Variants in NAALADL2 observed in about 807,000 individuals in gnomAD.
NAALADL2 encodes the protein inactive N-acetylated-alpha-linked acidic dipeptidase-like protein 2.
NAALADL2 carries 76 observed loss-of-function variants against 87.2 expected under a neutral mutation model. The observed-to-expected ratio is 0.87, with a 90% CI of 0.72 to 1.05. The LOEUF (loss-of-function observed/expected upper bound fraction) is 1.05, where lower values mean the gene tolerates loss of function less well. Among genes scored for constraint, NAALADL2 ranks in the 50% least tolerant of loss-of-function variants. The pLI is 0.00. For missense variants in NAALADL2, 1,089 were observed against 945.8 expected (o/e 1.15, Z -1.99); for synonymous variants, 354 against 331.0 (o/e 1.07, Z -0.75).
intron 13 of NAALADL2, among the ~76,000 whole-genome samples, chr3:175,795,689 T>TA (rs551987602): frequency 9.3e-4 from 138 of 148,918 alleles, no homozygotes; most frequent in African/African-American, 3.3e-3. Context: ...TCTCAAAAAA[T>TA]AAAAAAATAA....
At chr3:175,125,998 A>C (rs924517902) in intron 2 of NAALADL2, among the ~76,000 whole-genome samples, 1 of 152,132 alleles carries the variant, frequency 6.6e-6, no homozygotes, top group Non-Finnish European at 1.5e-5. Context: ...CAAAACAGCC[A>C]AAATTTGGAA....
At chr3:175,234,996 C>T (rs905140978) in intron 3 of NAALADL2, 4 of 151,844 alleles carry the variant, frequency 2.6e-5, no homozygotes, top group African/African-American at 9.7e-5. Flanking sequence ...AATTGGTCAA[C>T]AGTTTCCTTT....
At position 175,661,599 on chromosome 3, in the gene NAALADL2, T is replaced by C. The variant is rs559315329; in HGVS notation, c.1896+34213T>C. 3.3e-5 allele frequency among the ~76,000 whole-genome samples: 5 copies of C among 152,076 alleles called. No individual in the cohort carries two copies. In the East Asian group the frequency reaches 9.7e-4, roughly 29 times the overall value. ...TTTCCAGACCAAGTTCCTGTAGCATTTTCTCATTTTCTTTTAATAGTTTCA... is the reference window on the plus strand; with the variant it reads ...TTTCCAGACCAAGTTCCTGTAGCATCTTCTCATTTTCTTTTAATAGTTTCA... On this transcript the variant is annotated intron_variant, in intron 11 of 13. Transcript: ENST00000454872.
At position 175,323,662 on chromosome 3, in the gene NAALADL2, A is replaced by G. The variant is rs551971512; in HGVS notation, c.940-513A>G. Among the ~76,000 whole-genome samples the G allele has an allele frequency of 2.3e-4, 34 of 145,768 alleles. No homozygotes were observed. The South Asian group carries it at 4.4e-3, about 19-fold the overall frequency. On this transcript the variant is annotated intron_variant, in intron 4 of 13. Coordinates refer to ENST00000454872, the MANE Select transcript of NAALADL2 (RefSeq NM_207015.3). The stretch of plus-strand genomic sequence containing the variant: ...GTAGAGATAGAGAAAAACCGGAGGA[A>G]AAAAAAAAAGGCCAGTAGAAAAAGC...
At chr3:174,590,962 T>C (rs937015944) in intron 2 of NAALADL2, among the ~76,000 whole-genome samples, 1 of 151,898 alleles carries the variant, frequency 6.6e-6, no homozygotes, top group Admixed American at 6.6e-5. Context: ...TGATACTGAA[T>C]CCAGAGAGGT....
intron 2 of NAALADL2, among the ~76,000 whole-genome samples, chr3:175,110,852 A>T (rs1361790620): frequency 1.3e-5 from 2 of 151,758 alleles, no homozygotes; most frequent in Non-Finnish European, 2.9e-5. Context: ...AATCTGGGTA[A>T]CAATTTGGGG....
At chr3:175,003,380 T>G (rs1748506488) in intron 1 of NAALADL2, among the ~76,000 whole-genome samples, 1 of 152,098 alleles carries the variant, frequency 6.6e-6, no homozygotes, top group Admixed American at 6.6e-5. Context: ...AGTAAATACT[T>G]AATATAAAAG....
intron 5 of NAALADL2, among the ~76,000 whole-genome samples, chr3:175,425,977 T>C (rs926076873): frequency 2.6e-5 from 4 of 152,210 alleles, no homozygotes; most frequent in Admixed American, 6.5e-5. Flanking sequence ...CAGATTTTTA[T>C]TTTGTAGAGT....
At chr3:174,690,587 C>T (rs1728486224) in intron 2 of NAALADL2, among the ~76,000 whole-genome samples, 1 of 152,062 alleles carries the variant, frequency 6.6e-6, no homozygotes, top group South Asian at 2.1e-4. Context: ...GAAAAATACC[C>T]CCAGCAAATT....
At chr3:174,465,377 CT>C (rs1716475577) in intron 1 of NAALADL2, among the ~76,000 whole-genome samples, 1 of 152,180 alleles carries the variant, frequency 6.6e-6, no homozygotes, top group African/African-American at 2.4e-5. Context: ...AGCCCGGTAT[CT>C]GTCTAATACA....
chr3:175,101,448 A>G (rs968527189), intron 2 of NAALADL2, among the ~76,000 whole-genome samples: 4 of 152,232 alleles, frequency 2.6e-5, no homozygotes, highest in Admixed American at 1.3e-4. Context: ...TTTAACTTAG[A>G]AGAAGCTTGA....
chr3:175,771,131 T>C lies in NAALADL2; in HGVS notation c.2189+15713T>C, dbSNP rs556681822. On this transcript the variant is annotated intron_variant, in intron 13 of 13. Coordinates refer to ENST00000454872, the MANE Select transcript of NAALADL2 (RefSeq NM_207015.3). ...CTATGCTTCATTTTATTTCAGAAAA[T>C]GTTTGCCCTTTTATTTTATGTATTT... 7.1e-4 allele frequency among the ~76,000 whole-genome samples: 108 copies of C among 152,278 alleles called. 1 individual carries two copies. Among genetic ancestry groups the C allele is most frequent in the African/African-American group, 2.6e-3 (108 of 41,560 alleles).
At chr3:174,859,558 T>C in intron 1 of NAALADL2, 108 bp downstream of exon 1, 1 of 848,944 alleles carries the variant, frequency 1.2e-6, no homozygotes. Flanking sequence ...CATCCCTGCA[T>C]GCATGTTCAG....
rs558885501 is a variant in NAALADL2 at position 175,585,506 on chromosome 3, GCTGAATTGAAAATAAA to G, written c.1800+9324_1800+9339del. Among the ~76,000 whole-genome samples, 158 of 152,216 alleles carry G rather than the reference GCTGAATTGAAAATAAA, an allele frequency of 1.0e-3. 3 individuals are homozygous for G. In the South Asian group the frequency reaches 0.027, roughly 26 times the overall value. On this transcript the variant is annotated intron_variant, in intron 10 of 13. Transcript: ENST00000454872. ...AGCTATAAATGGGTAATATTTCTTAGCTGAATTGAAAATAAACTGATAATTTATAAATACTGACAAG... is the reference window on the plus strand; with the variant it reads ...AGCTATAAATGGGTAATATTTCTTAGCTGATAATTTATAAATACTGACAAG...
intron 3 of NAALADL2, among the ~76,000 whole-genome samples, chr3:174,815,880 CAG>C (rs781525121): frequency 6.5e-5 from 8 of 123,562 alleles, no homozygotes; most frequent in Admixed American, 5.4e-4. Context: ...GTAGAAGTGT[CAG>C]AGTGTTTGGA....
At chr3:175,172,446 A>G (rs1435546211) in intron 2 of NAALADL2, among the ~76,000 whole-genome samples, 1 of 152,138 alleles carries the variant, frequency 6.6e-6, no homozygotes, top group Non-Finnish European at 1.5e-5. Context: ...ACCCTCAGTC[A>G]TTATCCAAGT....
At chr3:175,634,832 T>A (rs1003863761) in intron 11 of NAALADL2, among the ~76,000 whole-genome samples, 1 of 152,040 alleles carries the variant, frequency 6.6e-6, no homozygotes, top group Non-Finnish European at 1.5e-5. Context: ...AAATTCAATT[T>A]TTTTCCGCTA....
intron 5 of NAALADL2, among the ~76,000 whole-genome samples, chr3:175,426,498 G>A (rs965957054): frequency 1.3e-5 from 2 of 152,052 alleles, no homozygotes; most frequent in Non-Finnish European, 2.9e-5. Flanking sequence ...TAGAATCAAT[G>A]CCACACACTC....
chr3:175,011,451 G>A (rs185145722), intron 1 of NAALADL2, among the ~76,000 whole-genome samples: 55 of 152,124 alleles, frequency 3.6e-4, no homozygotes, highest in East Asian at 1.7e-3. Flanking sequence ...CTTTTCTATC[G>A]TCTACAGACA....
Sources: allele counts gnomAD v4.1 joint callset (sites outside exome capture counted in the v4.1 genomes callset), GRCh38; gene constraint gnomAD v4.1.1; transcripts MANE v1.5; gene names NCBI Gene and HGNC (gene_info 2026-07-23, HGNC 2026-07-21).